C6orf132: variants seen among roughly 807,000 people sequenced by gnomAD.
C6orf132 encodes the protein chromosome 6 open reading frame 132.
In C6orf132, 43 loss-of-function variants were observed where a neutral mutation model predicts 65.3. The ratio of observed to expected loss-of-function variants is 0.66; its 90% CI spans 0.52 to 0.85. The LOEUF is 0.85. Ranked by LOEUF, C6orf132 falls within the 40% of genes least tolerant of loss-of-function variation. The probability of loss-of-function intolerance (pLI) is 0.00; values close to 1 mark genes in which losing one functional copy is unlikely to be tolerated. For synonymous variants in C6orf132, 631 were observed against 654.1 expected (o/e 0.96, Z 0.54); for missense variants, 1,488 against 1,548.8 (o/e 0.96, Z 0.66).
At chr6:42,119,340 G>GTT (rs1766642429) in intron 2 of C6orf132, among the ~76,000 whole-genome samples, 2 of 81,778 alleles carry the variant, frequency 2.4e-5, no homozygotes, top group African/African-American at 5.5e-5. Context: ...CAGCTTTCCA[G>GTT]CTTTTTTTTT....
Position 42,104,768 on chromosome 6 carries a change from A to G in C6orf132, c.3144T>C (p.Ala1048=), listed in dbSNP as rs1442551697. The G allele has an allele frequency of 6.6e-7, 1 of 1,511,136 alleles. No homozygotes were observed. Among genetic ancestry groups the G allele is most frequent in the Non-Finnish European group, 8.8e-7 (1 of 1,136,286 alleles). 93.6% of individuals were successfully genotyped at this position (1,511,136 alleles called of 1,614,324 possible). A position where few individuals can be genotyped will look rare whatever the true frequency, so the allele number is the denominator to read the frequency against. The stretch of plus-strand genomic sequence containing the variant: ...CTCCCGAGAAGCGCTCCAGGCCCCC[A>G]GCCCCGGCGTAGCGCGCGCCCGCGG... ...RFPAGARYAG[A]GGLERFSGGG... is the part of the protein sequence containing the mutation. Residue 1048 remains alanine (A), a synonymous_variant, in exon 4 of 5, where the codon GCT becomes GCC. Transcript: ENST00000341865. The surrounding 1 kb of genome is among the most constrained non-coding windows in gnomAD (Gnocchi z 4.1).
chr6:42,122,294 G>A lies in C6orf132; in HGVS notation c.252+6378C>T, dbSNP rs1766701093. Among the ~76,000 whole-genome samples the A allele has an allele frequency of 2.0e-5, 3 of 152,210 alleles. No individual in the cohort carries two copies. The East Asian group carries it at 5.8e-4, about 29-fold the overall frequency. ...GGGCAAGAAGTCAGTAGGATCAAGG[G>A]GACATGCCCTCAGAGGGCGCACCAC... On this transcript the variant is annotated intron_variant, in intron 2 of 4. Transcript: ENST00000341865.
chr6:42,139,566 C>T (rs1304108697), intron 1 of C6orf132, among the ~76,000 whole-genome samples: 1 of 152,232 alleles, frequency 6.6e-6, no homozygotes, highest in Non-Finnish European at 1.5e-5. Context: ...CAAAGCAGGC[C>T]ATGGGCCAGA....
intron 2 of C6orf132, among the ~76,000 whole-genome samples, chr6:42,116,016 G>A (rs560276976): frequency 1.2e-3 from 167 of 133,746 alleles, no homozygotes; most frequent in Non-Finnish European, 2.1e-3. Flanking sequence ...TGCAACCTTT[G>A]ACTCCCGGGT....
intron 2 of C6orf132, among the ~76,000 whole-genome samples, chr6:42,115,464 G>A (rs1165437214): frequency 6.6e-6 from 1 of 150,962 alleles, no homozygotes; most frequent in Admixed American, 6.6e-5. Context: ...GGCTAACACG[G>A]CGAAACCCCG....
chr6:42,113,562 C>A (rs1766522960), intron 2 of C6orf132, among the ~76,000 whole-genome samples: 1 of 152,244 alleles, frequency 6.6e-6, no homozygotes, highest in Non-Finnish European at 1.5e-5. Context: ...CGCCTGTAAT[C>A]CCAGCACTTT....
chr6:42,110,099 T>C, intron 3 of C6orf132, 117 bp downstream of exon 3: 2 of 781,920 alleles, frequency 2.6e-6, no homozygotes, highest in Non-Finnish European at 4.0e-6. Flanking sequence ...AGAGTGGCTG[T>C]GCCTGAGGAC....
intron 3 of C6orf132, among the ~76,000 whole-genome samples, chr6:42,109,921 G>A (rs1766469632): frequency 6.6e-6 from 1 of 152,006 alleles, no homozygotes; most frequent in Non-Finnish European, 1.5e-5. Context: ...GGGATTCAAA[G>A]CCAGGCCCTT....
chr6:42,128,551 G>A (rs927147045), intron 2 of C6orf132, 121 bp downstream of exon 2: 12 of 711,484 alleles, frequency 1.7e-5, no homozygotes, highest in East Asian at 8.4e-5. Context: ...CCTTCCCGCC[G>A]GGTCAGCATC....
intron 2 of C6orf132, among the ~76,000 whole-genome samples, chr6:42,112,121 T>C (rs1766506039): frequency 6.6e-6 from 1 of 152,202 alleles, no homozygotes; most frequent in African/African-American, 2.4e-5. Context: ...ATAACAATAA[T>C]CATAGTCATA....
intron 3 of C6orf132, among the ~76,000 whole-genome samples, chr6:42,107,784 G>A (rs9349218): frequency 0.23 from 34,769 of 151,988 alleles, 4,381 homozygotes; most frequent in African/African-American, 0.33. Flanking sequence ...TCTAGGGAGC[G>A]TCTCCTGCCT....
Position 42,105,330 on chromosome 6 carries a change from C to T in C6orf132, c.2582G>A (p.Arg861Gln). The change falls in exon 4 of 5, where the codon CGG becomes CAG. Residue 861 changes from arginine to glutamine, a missense_variant. By Grantham distance (43) the Arg-to-Gln change is conservative. Coordinates refer to ENST00000341865, the MANE Select transcript of C6orf132 (RefSeq NM_001164446.3). Reference protein sequence around the residue: ...KGRSVGAALGRSSLPGSLRDH... With the variant: ...KGRSVGAALGQSSLPGSLRDH... ...ACGGAGACTTCCTGGCAGAGAGGAC[C>T]GACCCAGGGCAGCCCCTACAGACCT... The T allele has an allele frequency of 2.0e-6, 3 of 1,536,872 alleles. No homozygotes were observed. The highest frequency in any genetic ancestry group is 2.6e-6 in the Non-Finnish European group (3 of 1,146,874).
Position 42,106,074 on chromosome 6 carries a change from G to T in C6orf132, c.1838C>A (p.Pro613His), listed in dbSNP as rs1453309272. Residue 613 changes from proline to histidine, a missense_variant, in exon 4 of 5, where the codon CCT becomes CAT. Physicochemically the swap from Pro to His is moderately conservative, Grantham distance 77. Coordinates refer to ENST00000341865, the MANE Select transcript of C6orf132 (RefSeq NM_001164446.3). ...NGADDDKLSK[P>H]VAKNLPPQST... ...TTGAGGTGGCAGATTCTTGGCCACA[G>T]GCTTGGAGAGTTTGTCATCATCAGC... is the stretch of plus-strand genomic sequence containing the variant. 1 of 1,537,256 alleles carries T rather than the reference G, an allele frequency of 6.5e-7. No individual in the cohort carries two copies. The highest frequency in any genetic ancestry group is 1.2e-5 in the South Asian group (1 of 84,058).
chr6:42,127,233 G>T (rs1017417443), intron 2 of C6orf132, among the ~76,000 whole-genome samples: 47 of 152,220 alleles, frequency 3.1e-4, no homozygotes, highest in African/African-American at 1.1e-3. Flanking sequence ...AGGATTCCAA[G>T]CTGACTTATT....
At chr6:42,136,146 T>TAAA (rs2127480084) in intron 1 of C6orf132, among the ~76,000 whole-genome samples, 1 of 124,140 alleles carries the variant, frequency 8.1e-6, no homozygotes, top group South Asian at 2.8e-4. Context: ...AATAAAAACT[T>TAAA]ACCTGTAAGC....
At chr6:42,142,258 C>T (rs1320648546) in intron 1 of C6orf132, 42 bp downstream of exon 1, 7 of 1,535,972 alleles carry the variant, frequency 4.6e-6, no homozygotes, top group Non-Finnish European at 6.1e-6. Flanking sequence ...CCCCAGCGCC[C>T]TCCGTCCCCG....
intron 2 of C6orf132, among the ~76,000 whole-genome samples, chr6:42,127,934 TTTTTTTTTGAGACGGA>T (rs1766790754): frequency 6.6e-6 from 1 of 151,860 alleles, no homozygotes; most frequent in Non-Finnish European, 1.5e-5. Flanking sequence ...ACTCTTTTTT[TTTTTTTTTGAGACGGA>T]GTCTTGCTCT....
intron 1 of C6orf132, among the ~76,000 whole-genome samples, chr6:42,138,298 GTTTT>G (rs1233541896): frequency 6.6e-6 from 1 of 151,856 alleles, no homozygotes; most frequent in Non-Finnish European, 1.5e-5. Context: ...TTTTGTTTTT[GTTTT>G]TTGTTTTGAA....
intron 1 of C6orf132, among the ~76,000 whole-genome samples, chr6:42,136,187 A>T (rs1766939303): frequency 6.7e-6 from 1 of 150,126 alleles, no homozygotes; most frequent in Non-Finnish European, 1.5e-5. Flanking sequence ...AAAGTTGGTA[A>T]GGCCTGGAGG....
Sources: allele counts gnomAD v4.1 joint callset (sites outside exome capture counted in the v4.1 genomes callset), GRCh38; gene constraint gnomAD v4.1.1; non-coding constraint Gnocchi (gnomAD v3.1); transcripts MANE v1.5; gene names NCBI Gene and HGNC (gene_info 2026-07-23, HGNC 2026-07-21).